The following TMCO4 variants were observed in gnomAD, a reference collection of about 807,000 sequenced individuals.
The protein encoded by TMCO4 is transmembrane and coiled-coil domains 4.
A neutral mutation model predicts 64.7 loss-of-function variants in TMCO4; 58 were observed. The ratio of observed to expected loss-of-function variants is 0.90; its 90% CI spans 0.73 to 1.12. The LOEUF (loss-of-function observed/expected upper bound fraction) is 1.12. TMCO4 is among the 50% of genes most tolerant of loss of function. The probability of loss-of-function intolerance (pLI) is 0.00; values close to 1 mark genes in which losing one functional copy is unlikely to be tolerated. For synonymous variants in TMCO4, 325 were observed against 346.1 expected (o/e 0.94, Z 0.68); for missense variants, 780 against 825.9 (o/e 0.94, Z 0.68).
At chr1:19,784,300 G>A (rs781435986) in intron 3 of TMCO4, among the ~76,000 whole-genome samples, 16 of 152,260 alleles carry the variant, frequency 1.1e-4, no homozygotes, top group Non-Finnish European at 2.2e-4. Context: ...TTGGGAGGCC[G>A]AGGCGGGTGG....
At chr1:19,777,823 TG>T (rs926065046) in intron 4 of TMCO4, among the ~76,000 whole-genome samples, 2 of 152,158 alleles carry the variant, frequency 1.3e-5, no homozygotes, top group Non-Finnish European at 2.9e-5. Context: ...GAGGCTGAGA[TG>T]GGAGGACTGC....
rs1392667414 is a variant in TMCO4 at position 19,797,891 on chromosome 1, AGAGAGAGAGAGG to A, written c.-101+234_-101+245del. On this transcript the variant is annotated intron_variant, in intron 2 of 15. Coordinates refer to ENST00000294543, the MANE Select transcript of TMCO4 (RefSeq NM_181719.7). ...AAAAAAAAAGAGAGAAGAAAGAAAG[AGAGAGAGAGAGG>A]GAGGGAGAGAGGGAGGGAGGGAGGG... Among the ~76,000 whole-genome samples the A allele has an allele frequency of 2.6e-4, 33 of 129,152 alleles. 1 individual carries two copies. Among genetic ancestry groups the A allele is most frequent in the Non-Finnish European group, 8.4e-5 (5 of 59,260 alleles). 84.7% of individuals were successfully genotyped at this position (129,152 alleles called of 152,430 possible).
In TMCO4 at chr1:19,719,452, A is replaced by G. The variant is rs544615900; in HGVS notation, c.1264+17920T>C. Among the ~76,000 whole-genome samples the G allele has an allele frequency of 4.6e-5, 7 of 152,322 alleles. No individual in the cohort carries two copies. In the South Asian group the frequency reaches 1.5e-3, roughly 32 times the overall value. ...CAGCACTGGGTAATAACAGATAAACATAATAACCATAACAGTAACAAAACA... is the reference window on the plus strand; with the variant it reads ...CAGCACTGGGTAATAACAGATAAACGTAATAACCATAACAGTAACAAAACA... On this transcript the variant is annotated intron_variant, in intron 13 of 15. Transcript: ENST00000294543.
At chr1:19,788,824 C>A (rs2043873064) in intron 2 of TMCO4, among the ~76,000 whole-genome samples, 1 of 152,122 alleles carries the variant, frequency 6.6e-6, no homozygotes, top group Non-Finnish European at 1.5e-5. Flanking sequence ...GCCTGTAATT[C>A]CAGCATTTTG....
At chr1:19,717,878 T>C (rs2095363837) in intron 13 of TMCO4, among the ~76,000 whole-genome samples, 1 of 152,194 alleles carries the variant, frequency 6.6e-6, no homozygotes, top group Non-Finnish European at 1.5e-5. Context: ...TTGTAGGCTC[T>C]TTGAGGGCAG....
intron 15 of TMCO4, among the ~76,000 whole-genome samples, chr1:19,685,991 T>C (rs2095146353): frequency 6.6e-6 from 1 of 152,122 alleles, no homozygotes. Flanking sequence ...CCTCCCAAAG[T>C]GCTGGGATTA....
At chr1:19,731,088 G>A (rs534822250) in intron 13 of TMCO4, among the ~76,000 whole-genome samples, 89 of 152,290 alleles carry the variant, frequency 5.8e-4, no homozygotes, top group African/African-American at 2.1e-3. Context: ...ATTCATTGAC[G>A]ATCTCGACCA....
At chr1:19,739,073 T>G (rs1399391018) in intron 12 of TMCO4, among the ~76,000 whole-genome samples, 5 of 152,226 alleles carry the variant, frequency 3.3e-5, no homozygotes, top group African/African-American at 1.2e-4. Context: ...GCTAGGCTTC[T>G]CCAGGAAAAT....
chr1:19,769,430 G>C (rs2042884977), intron 6 of TMCO4, among the ~76,000 whole-genome samples: 1 of 152,122 alleles, frequency 6.6e-6, no homozygotes, highest in African/African-American at 2.4e-5. Context: ...CCCGCCCACT[G>C]CACTGCTGCC....
intron 13 of TMCO4, among the ~76,000 whole-genome samples, chr1:19,736,890 TGAGAGTG>T (rs1362780107): frequency 6.6e-6 from 1 of 152,172 alleles, no homozygotes; most frequent in Non-Finnish European, 1.5e-5. Context: ...TCACCCTGGA[TGAGAGTG>T]GGCCCTAAAT....
At chr1:19,685,706 G>GTTTTTTTTT (rs1359019281) in intron 15 of TMCO4, among the ~76,000 whole-genome samples, 2 of 49,838 alleles carry the variant, frequency 4.0e-5, no homozygotes, top group African/African-American at 8.0e-5. Flanking sequence ...ATCCAGGCCT[G>GTTTTTTTTT]TTTCTTTTTT....
intron 6 of TMCO4, among the ~76,000 whole-genome samples, chr1:19,757,561 G>A (rs2042322098): frequency 6.6e-6 from 1 of 152,146 alleles, no homozygotes; most frequent in Non-Finnish European, 1.5e-5. Flanking sequence ...ATTAGGATGT[G>A]AACATCTTTG....
At chr1:19,752,934 G>A (rs1350108618) in intron 7 of TMCO4, among the ~76,000 whole-genome samples, 5 of 151,176 alleles carry the variant, frequency 3.3e-5, no homozygotes, top group Admixed American at 6.6e-5. Context: ...CGATGTGAGC[G>A]GTATCTTTCT....
intron 13 of TMCO4, among the ~76,000 whole-genome samples, chr1:19,730,127 C>T (rs1023014907): frequency 3.9e-5 from 6 of 152,208 alleles, no homozygotes; most frequent in Non-Finnish European, 8.8e-5. Context: ...CATTTACTGG[C>T]CCCTCCTTCA....
intron 13 of TMCO4, among the ~76,000 whole-genome samples, chr1:19,705,962 G>T (rs952969417): frequency 6.6e-6 from 1 of 151,862 alleles, no homozygotes; most frequent in Non-Finnish European, 1.5e-5. Flanking sequence ...GTGCTGTGGC[G>T]CAATTGTGGC....
At chr1:19,716,697 C>G (rs762004328) in intron 13 of TMCO4, among the ~76,000 whole-genome samples, 1 of 152,080 alleles carries the variant, frequency 6.6e-6, no homozygotes, top group Non-Finnish European at 1.5e-5. Context: ...CCTGCTCTCT[C>G]GAAAAACAGG....
At chr1:19,761,666 T>C (rs561710239) in intron 6 of TMCO4, among the ~76,000 whole-genome samples, 2 of 152,334 alleles carry the variant, frequency 1.3e-5, no homozygotes, top group Admixed American at 1.3e-4. Flanking sequence ...CCCAGAGAGC[T>C]TGTGGAATTA....
intron 6 of TMCO4, among the ~76,000 whole-genome samples, chr1:19,757,775 TG>T (rs1286153333): frequency 2.6e-5 from 4 of 152,182 alleles, no homozygotes; most frequent in Non-Finnish European, 4.4e-5. Flanking sequence ...TGTACCTACC[TG>T]GGGTGTGACA....
chr1:19,761,524 C>T (rs966783230), intron 6 of TMCO4, among the ~76,000 whole-genome samples: 2 of 152,234 alleles, frequency 1.3e-5, no homozygotes, highest in Non-Finnish European at 2.9e-5. Context: ...GGTACCTGTT[C>T]CTCCTCACAA....
Sources: gnomAD v4.1 joint callset for allele counts (sites outside exome capture counted in the v4.1 genomes callset) on GRCh38, gnomAD v4.1.1 for gene constraint, MANE v1.5 for transcripts, NCBI Gene and HGNC (gene_info 2026-07-23, HGNC 2026-07-21) for gene names.